Variants in NKAIN3 observed in about 807,000 individuals in gnomAD.
The protein encoded by NKAIN3 is sodium/potassium-transporting ATPase subunit beta-1-interacting protein 3.
NKAIN3 carries 25 observed loss-of-function variants against 30.2 expected under a neutral mutation model. That is an observed-to-expected ratio of 0.83 (90% CI 0.60 to 1.16). The LOEUF (loss-of-function observed/expected upper bound fraction) is 1.16. Ranked by LOEUF, NKAIN3 falls within the 50% of genes most tolerant of loss-of-function variation. The probability of loss-of-function intolerance (pLI) is 0.00; values close to 1 mark genes in which losing one functional copy is unlikely to be tolerated. For missense variants in NKAIN3, 225 were observed against 254.1 expected (o/e 0.89, Z 0.78); for synonymous variants, 91 against 89.6 (o/e 1.02, Z -0.09).
At chr8:62,635,547 T>C (rs1348917446) in intron 3 of NKAIN3, among the ~76,000 whole-genome samples, 2 of 152,132 alleles carry the variant, frequency 1.3e-5, no homozygotes, top group Non-Finnish European at 2.9e-5. Context: ...AATTAGTATG[T>C]TGACAGCCTA....
At chr8:62,723,238 A>G (rs1212288273) in intron 3 of NKAIN3, among the ~76,000 whole-genome samples, 1 of 152,174 alleles carries the variant, frequency 6.6e-6, no homozygotes, top group African/African-American at 2.4e-5. Flanking sequence ...TTCTGAAAAA[A>G]GAAATCTTTT....
At chr8:62,519,647 A>T (rs746982785) in intron 1 of NKAIN3, among the ~76,000 whole-genome samples, 5 of 152,164 alleles carry the variant, frequency 3.3e-5, no homozygotes, top group Non-Finnish European at 5.9e-5. Flanking sequence ...ATTCTGCATG[A>T]TTGCTTCTCC....
chr8:62,959,255 G>A (rs1025521021), intron 6 of NKAIN3, among the ~76,000 whole-genome samples: 8 of 152,110 alleles, frequency 5.3e-5, no homozygotes, highest in Admixed American at 6.5e-5. Context: ...GACAATCCGG[G>A]TACACAGGAA....
At chr8:62,902,547 C>A (rs1821643773) in intron 4 of NKAIN3, among the ~76,000 whole-genome samples, 1 of 152,218 alleles carries the variant, frequency 6.6e-6, no homozygotes, top group Non-Finnish European at 1.5e-5. Flanking sequence ...GACATGTATA[C>A]TCAACCCAAC....
intron 4 of NKAIN3, among the ~76,000 whole-genome samples, chr8:62,757,276 TA>T (rs1386859430): frequency 6.6e-6 from 1 of 152,214 alleles, no homozygotes; most frequent in Non-Finnish European, 1.5e-5. Flanking sequence ...TAGCTTTTCA[TA>T]ATAACGAGAG....
At position 62,466,856 on chromosome 8, in the gene NKAIN3, G is replaced by A. The variant is rs868558555; in HGVS notation, c.55-112683G>A. On this transcript the variant is annotated intron_variant, in intron 1 of 6. Transcript: ENST00000623646. ...GCAATCACTCATATCACATGTGGAT[G>A]AGAGTTAAATAAATTGAAAAGGCAT... Among the ~76,000 whole-genome samples, 27 of 152,064 alleles carry A rather than the reference G, an allele frequency of 1.8e-4. 1 individual carries two copies. Among genetic ancestry groups the A allele is most frequent in the Middle Eastern group, 6.3e-3 (2 of 316 alleles).
intron 1 of NKAIN3, among the ~76,000 whole-genome samples, chr8:62,500,469 G>GAA (rs1563427405): frequency 4.2e-5 from 5 of 119,402 alleles, no homozygotes; most frequent in Admixed American, 2.7e-4. Flanking sequence ...AAGAAAGAAA[G>GAA]AAAGAAAGAA....
chr8:62,705,415 T>C (rs929912557), intron 3 of NKAIN3, among the ~76,000 whole-genome samples: 1 of 152,156 alleles, frequency 6.6e-6, no homozygotes, highest in Non-Finnish European at 1.5e-5. Context: ...GACCTAGCAA[T>C]TGGCGCAGTC....
At chr8:62,659,190 G>A (rs534901118) in intron 3 of NKAIN3, among the ~76,000 whole-genome samples, 2 of 152,270 alleles carry the variant, frequency 1.3e-5, no homozygotes, top group African/African-American at 4.8e-5. Context: ...CACTTTGCTT[G>A]CTCTTCTCTA....
At chr8:62,464,162 TG>T (rs1312999673) in intron 1 of NKAIN3, among the ~76,000 whole-genome samples, 1 of 152,190 alleles carries the variant, frequency 6.6e-6, no homozygotes, top group Non-Finnish European at 1.5e-5. Context: ...GAGGAGTATG[TG>T]GGAATTCTCC....
chr8:62,793,120 T>C (rs1817752391), intron 4 of NKAIN3, among the ~76,000 whole-genome samples: 1 of 151,940 alleles, frequency 6.6e-6, no homozygotes, highest in Non-Finnish European at 1.5e-5. Flanking sequence ...GAAGTGAGTA[T>C]GCCTAACCTG....
chr8:62,686,888 C>T (rs766506645), intron 3 of NKAIN3, among the ~76,000 whole-genome samples: 4 of 152,120 alleles, frequency 2.6e-5, no homozygotes, highest in Non-Finnish European at 5.9e-5. Flanking sequence ...TGCAAGATCC[C>T]TTAGAGATGT....
In NKAIN3 at chr8:62,261,246, A is replaced by G. The variant is rs185084302; in HGVS notation, c.54+12119A>G. On this transcript the variant is annotated intron_variant, in intron 1 of 6. Transcript: ENST00000623646. ...AATACGTCTGTAAAATTGTTTAAAC[A>G]TAATAGAGAAGTTTTTATTTTCAAA... Among the ~76,000 whole-genome samples, 6 of 152,324 alleles carry G rather than the reference A, an allele frequency of 3.9e-5. No homozygotes were observed. In the East Asian group the frequency reaches 1.2e-3, roughly 29 times the overall value.
intron 5 of NKAIN3, among the ~76,000 whole-genome samples, chr8:62,947,443 A>G (rs1288003664): frequency 6.6e-6 from 1 of 152,218 alleles, no homozygotes; most frequent in East Asian, 1.9e-4. Flanking sequence ...TTTCTTGTCA[A>G]TCTTCATAGT....
intron 4 of NKAIN3, among the ~76,000 whole-genome samples, chr8:62,889,961 T>C (rs1441060274): frequency 6.6e-6 from 1 of 152,192 alleles, no homozygotes; most frequent in Non-Finnish European, 1.5e-5. Context: ...CTCAATATGA[T>C]TTTGGTTGGT....
Position 62,965,490 on chromosome 8 carries a change from C to T in NKAIN3, c.*83C>T, listed in dbSNP as rs1823685191. On this transcript the variant is annotated 3_prime_UTR_variant, in exon 7 of 7. Coordinates refer to ENST00000623646, the MANE Select transcript of NKAIN3 (RefSeq NM_001304533.3). ...CCAGAGGCTAGACTGTGCTTCCTGG[C>T]TTTCCCACGAATCATGGAGCATTTT... is the stretch of plus-strand genomic sequence containing the variant. 1.0e-6 allele frequency: 1 copy of T among 985,576 alleles called. No individual in the cohort carries two copies. Among genetic ancestry groups the T allele is most frequent in the Middle Eastern group, 5.2e-4 (1 of 1,914 alleles). The allele number at this position is 985,576 out of a possible 1,614,324, so 61.1% of individuals were successfully genotyped here. A position where few individuals can be genotyped will look rare whatever the true frequency, so the allele number is the denominator to read the frequency against.
At position 62,969,602 on chromosome 8, in the gene NKAIN3, A is replaced by G. The variant is rs1241242067; in HGVS notation, c.*4195A>G. Among the ~76,000 whole-genome samples the G allele has an allele frequency of 6.6e-6, 1 of 152,204 alleles. No homozygotes were observed. The highest frequency in any genetic ancestry group is 1.5e-5 in the Non-Finnish European group (1 of 68,032). Reference sequence around the variant, plus strand: ...TAAATTTCATAGTTGATCAGAATGCAAATGTTCTAACTTGACATTTTTGCC... The same window carrying G: ...TAAATTTCATAGTTGATCAGAATGCGAATGTTCTAACTTGACATTTTTGCC... On this transcript the variant is annotated 3_prime_UTR_variant, in exon 7 of 7. Coordinates refer to ENST00000623646, the MANE Select transcript of NKAIN3 (RefSeq NM_001304533.3).
rs76596873 is a variant in NKAIN3 at position 62,662,166 on chromosome 8, C to T, written c.273+72372C>T. The stretch of plus-strand genomic sequence containing the variant: ...TGATCTCTTCTGTGCTGCACGAGAG[C>T]CCAGGCAGGCTGAGGAGCACTAACC... On this transcript the variant is annotated intron_variant, in intron 3 of 6. Transcript: ENST00000623646. Among the ~76,000 whole-genome samples, 697 of 152,252 alleles carry T rather than the reference C, an allele frequency of 4.6e-3. 3 individuals are homozygous for T. The highest frequency in any genetic ancestry group is 0.034 in the Middle Eastern group (10 of 294).
In NKAIN3 at chr8:62,980,997, G is replaced by A. The variant is rs1411278491; in HGVS notation, c.*15590G>A. ...TGTAAATTTCTCTTTGTGTTCCTAG[G>A]CCCACAAAGTCTTTGGTCTGAAGAC... is the stretch of plus-strand genomic sequence containing the variant. On this transcript the variant is annotated 3_prime_UTR_variant, in exon 7 of 7. Transcript: ENST00000623646. 6.6e-6 allele frequency: 1 copy of A among 152,078 alleles called. No individual in the cohort carries two copies. Among genetic ancestry groups the A allele is most frequent in the East Asian group, 1.9e-4 (1 of 5,192 alleles). 9.4% of individuals were successfully genotyped at this position (152,078 alleles called of 1,614,324 possible).
Sources: allele counts gnomAD v4.1 joint callset (sites outside exome capture counted in the v4.1 genomes callset), GRCh38; gene constraint gnomAD v4.1.1; transcripts MANE v1.5; gene names NCBI Gene and HGNC (gene_info 2026-07-23, HGNC 2026-07-21).